Variants in HSD17B3 observed in about 807,000 individuals in gnomAD.
HSD17B3 encodes the protein hydroxysteroid 17-beta dehydrogenase 3.
A neutral mutation model predicts 41.1 loss-of-function variants in HSD17B3; 29 were observed. The ratio of observed to expected loss-of-function variants is 0.71; its 90% CI spans 0.53 to 0.96. The LOEUF is 0.96. Among genes scored for constraint, HSD17B3 ranks in the 40% least tolerant of loss-of-function variants. The pLI is 0.00. For missense variants in HSD17B3, 323 were observed against 374.6 expected (o/e 0.86, Z 1.14); for synonymous variants, 126 against 145.6 (o/e 0.87, Z 0.97).
chr9:96,240,721 C>T lies in HSD17B3; in HGVS notation c.822+37G>A, dbSNP rs765341429. 1.1e-5 allele frequency: 18 copies of T among 1,612,496 alleles called. No homozygotes were observed. In the South Asian group the frequency reaches 2.0e-4, roughly 18 times the overall value. ...TGCCAGGGCCACCTGCGTGTCCTCC[C>T]TCCCTGGCTTCAAGAAAAGGAGAAG... is the stretch of plus-strand genomic sequence containing the variant. On this transcript the variant is annotated intron_variant, in intron 10 of 10. Transcript: ENST00000375263.
At chr9:96,269,292 AC>A (rs1166404472) in intron 2 of HSD17B3, among the ~76,000 whole-genome samples, 1 of 152,216 alleles carries the variant, frequency 6.6e-6, no homozygotes, top group Non-Finnish European at 1.5e-5. Context: ...TCTGTCACTG[AC>A]CAAAGCATTT....
At chr9:96,283,346 AC>A (rs749400989) in intron 2 of HSD17B3, among the ~76,000 whole-genome samples, 15 of 152,140 alleles carry the variant, frequency 9.9e-5, no homozygotes, top group Non-Finnish European at 2.1e-4. Context: ...CTGCTCTTTA[AC>A]AAAAATTGTA....
chr9:96,242,917 T>C (rs1198117831), intron 9 of HSD17B3, among the ~76,000 whole-genome samples: 1 of 152,232 alleles, frequency 6.6e-6, no homozygotes, highest in African/African-American at 2.4e-5. Flanking sequence ...CCTGGCCCCC[T>C]GTGGCTGTGT....
intron 3 of HSD17B3, among the ~76,000 whole-genome samples, 156 bp downstream of exon 3, chr9:96,254,712 T>A (rs1825556773): frequency 1.3e-5 from 2 of 152,202 alleles, no homozygotes; most frequent in African/African-American, 4.8e-5. Context: ...ACACCTTCTA[T>A]CCCGCCCTCT....
At chr9:96,258,680 G>A (rs1825752017) in intron 2 of HSD17B3, among the ~76,000 whole-genome samples, 1 of 152,102 alleles carries the variant, frequency 6.6e-6, no homozygotes, top group Non-Finnish European at 1.5e-5. Context: ...ATCTAGACAA[G>A]TATTGAGGTA....
At chr9:96,245,514 T>C in intron 7 of HSD17B3, 88 bp from the exon 8 acceptor site, 1 of 970,082 alleles carries the variant, frequency 1.0e-6, no homozygotes, top group Middle Eastern at 2.7e-4. Context: ...GTGTGAACAC[T>C]GCCGGACTCG....
At position 96,301,710 on chromosome 9, in the gene HSD17B3, C is replaced by CAA. The variant is rs35760395; in HGVS notation, c.154+239_154+240dup. ...CGGGCAACAGAGTGAGACTCTGTCT[C>CAA]AAAAAAAAAAAAAAAACACCATTAG... On this transcript the variant is annotated intron_variant, in intron 1 of 10. Coordinates refer to ENST00000375263, the MANE Select transcript of HSD17B3 (RefSeq NM_000197.2). Among the ~76,000 whole-genome samples the CAA allele has an allele frequency of 1.3e-3, 134 of 103,400 alleles. 1 individual carries two copies. The highest frequency in any genetic ancestry group is 1.9e-3 in the African/African-American group (52 of 27,524). The allele number at this position is 103,400 out of a possible 152,430, so 67.8% of individuals were successfully genotyped here.
intron 4 of HSD17B3, among the ~76,000 whole-genome samples, chr9:96,252,028 C>T (rs1041836461): frequency 3.3e-5 from 5 of 152,232 alleles, no homozygotes; most frequent in Admixed American, 1.3e-4. Flanking sequence ...GCACTGTGCA[C>T]GCGGCCGTAA....
At chr9:96,289,014 T>G (rs1284617142) in intron 2 of HSD17B3, among the ~76,000 whole-genome samples, 25 of 148,802 alleles carry the variant, frequency 1.7e-4, no homozygotes, top group African/African-American at 6.2e-4. Context: ...GAGGCTGAGG[T>G]GAGAGGGTCA....
In HSD17B3 at chr9:96,259,226, G is replaced by A. The variant is rs75319138; in HGVS notation, c.202-4283C>T. On this transcript the variant is annotated intron_variant, in intron 2 of 10. Transcript: ENST00000375263. ...TTACCAGCTGCAACTCCACCCTACG[G>A]AAGAGAGAGTAGGCATCTGGGTGGA... Among the ~76,000 whole-genome samples the A allele has an allele frequency of 1.5e-3, 233 of 152,328 alleles. 2 individuals are homozygous for A. The East Asian group carries it at 0.028, about 18-fold the overall frequency.
chr9:96,278,051 A>G (rs1176141004), intron 2 of HSD17B3, among the ~76,000 whole-genome samples: 1 of 152,226 alleles, frequency 6.6e-6, no homozygotes, highest in Non-Finnish European at 1.5e-5. Context: ...TCATGGAACT[A>G]CAGAGTAGAA....
intron 7 of HSD17B3, chr9:96,246,312 TGCCGTTC>T (rs751966862): frequency 8.8e-5 from 53 of 599,134 alleles, no homozygotes; most frequent in Non-Finnish European, 1.4e-4. Context: ...GTGCTGAAAC[TGCCGTTC>T]TCTTCCTCCC....
intron 2 of HSD17B3, among the ~76,000 whole-genome samples, chr9:96,264,768 A>T (rs1345868416): frequency 6.6e-6 from 1 of 152,202 alleles, no homozygotes; most frequent in Non-Finnish European, 1.5e-5. Context: ...ACTAATTCTA[A>T]CTTTTACAAT....
At chr9:96,265,705 G>GA (rs1461545944) in intron 2 of HSD17B3, among the ~76,000 whole-genome samples, 2 of 152,156 alleles carry the variant, frequency 1.3e-5, no homozygotes, top group African/African-American at 2.4e-5. Flanking sequence ...AGTATTACTA[G>GA]AAATAAAAAC....
At chr9:96,272,642 A>G (rs1440515344) in intron 2 of HSD17B3, among the ~76,000 whole-genome samples, 1 of 151,044 alleles carries the variant, frequency 6.6e-6, no homozygotes, top group Non-Finnish European at 1.5e-5. Flanking sequence ...GCAACTGTGG[A>G]AAAGAGTTTG....
chr9:96,273,552 C>G (rs944532701), intron 2 of HSD17B3, among the ~76,000 whole-genome samples: 1 of 152,156 alleles, frequency 6.6e-6, no homozygotes, highest in African/African-American at 2.4e-5. Context: ...ACAGTTTTCA[C>G]AGATGCCGAT....
chr9:96,246,197 T>A (rs1219814005), intron 7 of HSD17B3, among the ~76,000 whole-genome samples: 1 of 152,246 alleles, frequency 6.6e-6, no homozygotes, highest in African/African-American at 2.4e-5. Flanking sequence ...GTATTCTCTC[T>A]GACAAAAGCT....
chr9:96,278,168 G>A (rs1826549020), intron 2 of HSD17B3, among the ~76,000 whole-genome samples: 1 of 152,048 alleles, frequency 6.6e-6, no homozygotes, highest in East Asian at 1.9e-4. Context: ...AATAGACATA[G>A]TTAACAAGGA....
rs374148046 is a variant in HSD17B3 at position 96,249,819 on chromosome 9, G to T, written c.454-33C>A. The T allele has an allele frequency of 8.7e-6, 14 of 1,613,628 alleles. No individual in the cohort carries two copies. In the African/African-American group the frequency reaches 1.9e-4, roughly 22 times the overall value. ...AAATAATCACAACCACACATCAGCCGGATGATTAGAGAAATTCTCCTGGAA... is the reference window on the plus strand; with the variant it reads ...AAATAATCACAACCACACATCAGCCTGATGATTAGAGAAATTCTCCTGGAA... On this transcript the variant is annotated intron_variant, in intron 5 of 10. Transcript: ENST00000375263.
Sources: gnomAD v4.1 joint callset for allele counts (sites outside exome capture counted in the v4.1 genomes callset) on GRCh38, gnomAD v4.1.1 for gene constraint, MANE v1.5 for transcripts, NCBI Gene and HGNC (gene_info 2026-07-23, HGNC 2026-07-21) for gene names.